CDC42BPA: variants seen among roughly 807,000 people sequenced by gnomAD.
The protein encoded by CDC42BPA is serine/threonine-protein kinase MRCK alpha.
A neutral mutation model predicts 223.5 loss-of-function variants in CDC42BPA; 80 were observed. The observed-to-expected ratio is 0.36, with a 90% CI of 0.30 to 0.43. The LOEUF (loss-of-function observed/expected upper bound fraction) is 0.43, where lower values mean the gene tolerates loss of function less well. CDC42BPA is among the 20% of genes least tolerant of loss of function. The pLI is 1.00. For synonymous variants in CDC42BPA, 694 were observed against 718.6 expected (o/e 0.97, Z 0.55); for missense variants, 1,743 against 2,099.9 (o/e 0.83, Z 3.32).
intron 11 of CDC42BPA, among the ~76,000 whole-genome samples, chr1:227,126,462 A>ATAAAG: frequency 7.8e-6 from 1 of 128,040 alleles, no homozygotes; most frequent in African/African-American, 2.9e-5. Flanking sequence ...AGGCAGTACA[A>ATAAAG]GAAAGGAAGG....
intron 5 of CDC42BPA, among the ~76,000 whole-genome samples, chr1:227,190,404 A>G (rs1223383566): frequency 6.6e-6 from 1 of 152,226 alleles, no homozygotes; most frequent in Non-Finnish European, 1.5e-5. Flanking sequence ...TTTGTGTTAG[A>G]ATACAGTGAA....
At chr1:227,011,016 G>A in intron 34 of CDC42BPA, 2 of 1,360,368 alleles carry the variant, frequency 1.5e-6, no homozygotes, top group South Asian at 2.3e-5. Context: ...TGATCGGAGA[G>A]GAGATCAGAC....
At chr1:227,314,892 A>G (rs906600149) in intron 1 of CDC42BPA, among the ~76,000 whole-genome samples, 3 of 152,074 alleles carry the variant, frequency 2.0e-5, no homozygotes, top group Non-Finnish European at 2.9e-5. Context: ...CCAAAAAATA[A>G]TGTTTAGAAC....
intron 11 of CDC42BPA, among the ~76,000 whole-genome samples, chr1:227,121,986 A>G (rs1039561154): frequency 6.6e-6 from 1 of 151,956 alleles, no homozygotes; most frequent in Non-Finnish European, 1.5e-5. Context: ...TTTTTAGTAG[A>G]GATGGGGTTT....
chr1:227,121,705 G>T (rs1291717114), intron 11 of CDC42BPA, among the ~76,000 whole-genome samples: 1 of 151,730 alleles, frequency 6.6e-6, no homozygotes, highest in South Asian at 2.1e-4. Flanking sequence ...TTTCATATGG[G>T]AATATTTCTA....
rs942325892 is a variant in CDC42BPA at position 226,994,987 on chromosome 1, T to C, written c.4976-7A>G. The stretch of plus-strand genomic sequence containing the variant: ...CCATTCTGTGCGGATGACCCTACAG[T>C]ACATCATGCAGGCAAAATTTTACAT... On this transcript the variant is annotated splice_polypyrimidine_tract_variant and splice_region_variant and intron_variant, in intron 35 of 36. Coordinates refer to ENST00000366766, the MANE Select transcript of CDC42BPA (RefSeq NM_001394014.1). The surrounding 1 kb of genome is among the most constrained non-coding windows in gnomAD (Gnocchi z 4.0). 14 of 1,609,620 alleles carry C rather than the reference T, an allele frequency of 8.7e-6. No homozygotes were observed. Among genetic ancestry groups the C allele is most frequent in the African/African-American group, 1.3e-5 (1 of 74,830 alleles).
Position 226,995,000 on chromosome 1 carries a change from C to A in CDC42BPA, c.4976-20G>T. ...ATGACCCTACAGTACATCATGCAGG[C>A]AAAATTTTACATATGCAGAGGGGAC... On this transcript the variant is annotated intron_variant, in intron 35 of 36. Coordinates refer to ENST00000366766, the MANE Select transcript of CDC42BPA (RefSeq NM_001394014.1). This position sits in a 1 kb window ranked among gnomAD's most constrained non-coding sequence, Gnocchi z 4.0. 1 of 1,603,398 alleles carries A rather than the reference C, an allele frequency of 6.2e-7. No homozygotes were observed.
At chr1:227,185,618 T>A (rs1395664982) in intron 5 of CDC42BPA, among the ~76,000 whole-genome samples, 1 of 152,106 alleles carries the variant, frequency 6.6e-6, no homozygotes, top group African/African-American at 2.4e-5. Context: ...TACCTGAAAG[T>A]GGGGTTCTGT....
chr1:227,302,963 T>C (rs975814251), intron 1 of CDC42BPA, among the ~76,000 whole-genome samples: 14 of 151,882 alleles, frequency 9.2e-5, no homozygotes, highest in African/African-American at 3.4e-4. Flanking sequence ...TTTTCTCTCA[T>C]CTCTGGAAAA....
At chr1:227,015,543 C>T (rs983396758) in intron 34 of CDC42BPA, among the ~76,000 whole-genome samples, 2 of 152,206 alleles carry the variant, frequency 1.3e-5, no homozygotes, top group Admixed American at 6.5e-5. Flanking sequence ...GCATGAGCCA[C>T]TACACCTGGC....
intron 21 of CDC42BPA, among the ~76,000 whole-genome samples, chr1:227,063,700 A>G (rs1469084825): frequency 6.6e-6 from 1 of 152,184 alleles, no homozygotes; most frequent in Non-Finnish European, 1.5e-5. Context: ...AGGAATGCCA[A>G]AGAAGCTAGG....
At chr1:227,177,105 G>C (rs953291949) in intron 5 of CDC42BPA, among the ~76,000 whole-genome samples, 10 of 132,424 alleles carry the variant, frequency 7.6e-5, no homozygotes, top group African/African-American at 3.0e-4. Flanking sequence ...TTACTTTAAA[G>C]CCATATATTT....
chr1:227,257,508 AG>A lies in CDC42BPA; in HGVS notation c.179-3354del, dbSNP rs1464915412. Among the ~76,000 whole-genome samples the A allele has an allele frequency of 2.0e-5, 3 of 150,870 alleles. 1 individual carries two copies. The highest frequency in any genetic ancestry group is 7.5e-5 in the African/African-American group (3 of 40,246). On this transcript the variant is annotated intron_variant, in intron 1 of 36. Coordinates refer to ENST00000366766, the MANE Select transcript of CDC42BPA (RefSeq NM_001394014.1). Reference sequence around the variant, plus strand: ...CAGTGGCCTGTAATCCCAGCACTGTAGGAAGCCAAGGCGGGTGAATCACCTG... The same window carrying A: ...CAGTGGCCTGTAATCCCAGCACTGTAGAAGCCAAGGCGGGTGAATCACCTG...
chr1:227,265,725 A>G (rs1207299932), intron 1 of CDC42BPA, among the ~76,000 whole-genome samples: 2 of 152,166 alleles, frequency 1.3e-5, no homozygotes, highest in Non-Finnish European at 2.9e-5. Flanking sequence ...TCTAGACCCT[A>G]GTTTCTCCTT....
rs60588018 is a variant in CDC42BPA, at chr1:227,222,052, CAAAAAAAAAA to C, written c.271-8843_271-8834del. Reference sequence around the variant, plus strand: ...CAACATAGGAAGACCCTATCTCTACCAAAAAAAAAAAAAAAAAAAAAAAAAAATTAATTAG... The same window carrying C: ...CAACATAGGAAGACCCTATCTCTACCAAAAAAAAAAAAAAAAATTAATTAG... On this transcript the variant is annotated intron_variant, in intron 2 of 36. Coordinates refer to ENST00000366766, the MANE Select transcript of CDC42BPA (RefSeq NM_001394014.1). Among the ~76,000 whole-genome samples, 315 of 86,512 alleles carry C rather than the reference CAAAAAAAAAA, an allele frequency of 3.6e-3. 3 individuals carry two copies. Among genetic ancestry groups the C allele is most frequent in the African/African-American group, 0.011 (254 of 23,052 alleles). 56.8% of individuals were successfully genotyped at this position (86,512 alleles called of 152,430 possible). A position where few individuals can be genotyped will look rare whatever the true frequency, so the allele number is the denominator to read the frequency against.
chr1:227,265,214 T>G, intron 1 of CDC42BPA: 2 of 594,736 alleles, frequency 3.4e-6, no homozygotes, highest in East Asian at 2.8e-5. Context: ...AGTGCACACT[T>G]TGGCATCTAA....
At chr1:227,292,983 A>C (rs1455391342) in intron 1 of CDC42BPA, among the ~76,000 whole-genome samples, 1 of 152,144 alleles carries the variant, frequency 6.6e-6, no homozygotes, top group African/African-American at 2.4e-5. Context: ...ATCTCTGCAA[A>C]ATTGTATCTA....
In CDC42BPA at chr1:227,112,772, C is replaced by G; in HGVS notation, c.1789G>C (p.Ala597Pro). The G allele has an allele frequency of 1.2e-6, 2 of 1,614,048 alleles. No individual in the cohort carries two copies. Among genetic ancestry groups the G allele is most frequent in the Non-Finnish European group, 1.7e-6 (2 of 1,179,988 alleles). Residue 597 changes from alanine (A) to proline (P), a missense_variant, in exon 13 of 37, where the codon GCT (alanine) becomes CCT (proline). Ala to Pro is a conservative substitution (Grantham distance 27, BLOSUM62 -1). Coordinates refer to ENST00000366766, the MANE Select transcript of CDC42BPA (RefSeq NM_001394014.1). ...TELHTQKQKL[A>P]RHVRDKEEEV... is the part of the protein sequence containing the mutation. ...TCTTCCTTATCTCGGACATGGCGAG[C>G]AAGTTTCTGTTTTTGGGTGTGCAAT...
intron 1 of CDC42BPA, among the ~76,000 whole-genome samples, chr1:227,311,074 C>T (rs1026745298): frequency 2.0e-5 from 3 of 152,092 alleles, no homozygotes; most frequent in Non-Finnish European, 4.4e-5. Context: ...AAAAATCACA[C>T]GAAGTGCAGA....
Sources: gnomAD v4.1 joint callset for allele counts (sites outside exome capture counted in the v4.1 genomes callset) on GRCh38, gnomAD v4.1.1 for gene constraint, Gnocchi (gnomAD v3.1) non-coding constraint, MANE v1.5 for transcripts, NCBI Gene and HGNC (gene_info 2026-07-23, HGNC 2026-07-21) for gene names.